The following KAZN variants were observed in gnomAD, a reference collection of about 807,000 sequenced individuals.
KAZN encodes kazrin.
Under a neutral mutation model 87.4 loss-of-function variants are expected in KAZN, and 40 were observed. The ratio of observed to expected loss-of-function variants is 0.46; its 90% CI spans 0.36 to 0.60. The LOEUF is 0.60. Among genes scored for constraint, KAZN ranks in the 20% least tolerant of loss-of-function variants. The pLI is 0.00. For synonymous variants in KAZN, 466 were observed against 458.3 expected, an observed-to-expected ratio of 1.02 and a Z score of -0.22; for missense variants, 898 against 1,073.9, an observed-to-expected ratio of 0.84 and a Z score of 2.29.
chr1:14,987,357 G>A (rs111601665), intron 2 of KAZN, among the ~76,000 whole-genome samples: 2,661 of 152,206 alleles, frequency 0.017, 41 homozygotes, highest in Non-Finnish European at 0.026. Context: ...AGCCGAGCAT[G>A]GTGGCGAGCA....
In KAZN at chr1:14,365,363, CGGGGTGGGG is replaced by C. The variant is rs1291039186; in HGVS notation, c.249+184776_249+184784del. On this transcript the variant is annotated intron_variant, in intron 2 of 16. Transcript: ENST00000636203. ...CGCCCCGGCGCCCACCCCCTCCCCC[CGGGGTGGGG>C]GGGGGGGGGGTCTTTCAAGGTCACC... Among the ~76,000 whole-genome samples the C allele has an allele frequency of 2.0e-3, 185 of 90,284 alleles. 3 individuals carry two copies. Among genetic ancestry groups the C allele is most frequent in the Middle Eastern group, 6.0e-3 (1 of 166 alleles). The allele number at this position is 90,284 out of a possible 152,430, so 59.2% of individuals were successfully genotyped here. A position where few individuals can be genotyped will look rare whatever the true frequency, so the allele number is the denominator to read the frequency against.
At chr1:14,203,729 C>T (rs1332804061) in intron 2 of KAZN, among the ~76,000 whole-genome samples, 1 of 152,176 alleles carries the variant, frequency 6.6e-6, no homozygotes. Context: ...TTTTAGAAAC[C>T]ATCATTTCAT....
intron 1 of KAZN, among the ~76,000 whole-genome samples, chr1:14,095,568 T>C (rs1412480750): frequency 1.3e-5 from 2 of 152,108 alleles, no homozygotes; most frequent in African/African-American, 4.8e-5. Flanking sequence ...AGGCTTAAGG[T>C]TGACTCAAAT....
At chr1:14,570,025 A>C (rs1271014756) in intron 2 of KAZN, among the ~76,000 whole-genome samples, 28 of 152,146 alleles carry the variant, frequency 1.8e-4, no homozygotes, top group Admixed American at 1.7e-3. Context: ...CGGCAGGAGA[A>C]TTGCTTGAAC....
chr1:14,132,590 C>T (rs142813622), intron 1 of KAZN, among the ~76,000 whole-genome samples: 100 of 152,236 alleles, frequency 6.6e-4, no homozygotes, highest in Middle Eastern at 3.4e-3. Flanking sequence ...AATCAGGGTG[C>T]CATTACCAGA....
At chr1:14,570,689 A>G (rs1056133414) in intron 2 of KAZN, among the ~76,000 whole-genome samples, 1 of 152,222 alleles carries the variant, frequency 6.6e-6, no homozygotes, top group African/African-American at 2.4e-5. Context: ...GCTGCAGTGA[A>G]TATTCATCGA....
chr1:14,025,396 A>C (rs2101287696), intron 1 of KAZN, among the ~76,000 whole-genome samples: 1 of 152,320 alleles, frequency 6.6e-6, no homozygotes, highest in African/African-American at 2.4e-5. Flanking sequence ...AAAATACAGT[A>C]GTTAGACCAG....
chr1:14,335,760 CAGAGAGAG>C lies in KAZN; in HGVS notation c.249+155183_249+155190del, dbSNP rs34561318. Among the ~76,000 whole-genome samples the C allele has an allele frequency of 5.8e-3, 873 of 149,368 alleles. 8 individuals carry two copies. The highest frequency in any genetic ancestry group is 0.02 in the African/African-American group (814 of 40,824). On this transcript the variant is annotated intron_variant, in intron 2 of 16. Coordinates refer to the KAZN transcript ENST00000636203. ...GTGCATGTGCGCGCACACACACACACAGAGAGAGAGAGAGAGAGAGAGGCAGAAATTCA... is the reference window on the plus strand; with the variant it reads ...GTGCATGTGCGCGCACACACACACACAGAGAGAGAGAGAGGCAGAAATTCA...
chr1:14,569,638 T>G (rs1257217866), intron 2 of KAZN, among the ~76,000 whole-genome samples: 1 of 152,026 alleles, frequency 6.6e-6, no homozygotes, highest in Non-Finnish European at 1.5e-5. Flanking sequence ...TCTACTTTTT[T>G]AATGGAAATA....
At chr1:14,562,923 G>C (rs1230936630) in intron 2 of KAZN, among the ~76,000 whole-genome samples, 1 of 152,218 alleles carries the variant, frequency 6.6e-6, no homozygotes, top group Non-Finnish European at 1.5e-5. Flanking sequence ...AGTGCGTTTA[G>C]TTAAGACAAC....
At chr1:14,420,400 C>G (rs961838566) in intron 2 of KAZN, among the ~76,000 whole-genome samples, 2 of 152,198 alleles carry the variant, frequency 1.3e-5, no homozygotes, top group Non-Finnish European at 2.9e-5. Context: ...AGTACCCACC[C>G]GACTCAGGGG....
intron 2 of KAZN, among the ~76,000 whole-genome samples, chr1:14,487,083 T>G (rs531063023): frequency 2.3e-4 from 35 of 152,328 alleles, no homozygotes; most frequent in African/African-American, 7.9e-4. Context: ...GTGAGTTCTT[T>G]CCTGGCACGT....
intron 2 of KAZN, among the ~76,000 whole-genome samples, chr1:15,017,492 G>C (rs1235332738): frequency 6.6e-6 from 1 of 151,974 alleles, no homozygotes; most frequent in Non-Finnish European, 1.5e-5. Flanking sequence ...TCTTAGTTTT[G>C]TACGACTGAA....
chr1:14,754,110 C>A (rs1644488578), intron 1 of KAZN, among the ~76,000 whole-genome samples: 1 of 152,188 alleles, frequency 6.6e-6, no homozygotes, highest in Non-Finnish European at 1.5e-5. Flanking sequence ...TGGGCTCCAG[C>A]CACGGGGAAG....
At chr1:14,434,071 G>A (rs542437230) in intron 2 of KAZN, among the ~76,000 whole-genome samples, 8 of 152,276 alleles carry the variant, frequency 5.3e-5, no homozygotes, top group East Asian at 1.9e-4. Flanking sequence ...TTAAGCCACC[G>A]GTGCATGGTA....
intron 1 of KAZN, among the ~76,000 whole-genome samples, chr1:14,698,160 A>G (rs2143298): frequency 3.6e-3 from 543 of 152,282 alleles, no homozygotes; most frequent in African/African-American, 0.012. Flanking sequence ...CCATCTGCAA[A>G]ATTAGTGACT....
At chr1:13,899,040 G>C (rs1357967553) in intron 1 of KAZN, among the ~76,000 whole-genome samples, 4 of 152,238 alleles carry the variant, frequency 2.6e-5, no homozygotes, top group African/African-American at 7.2e-5. Context: ...TCCGTCCATG[G>C]GAATGGGAGC....
intron 2 of KAZN, among the ~76,000 whole-genome samples, chr1:14,581,351 T>C (rs1675534293): frequency 6.6e-6 from 1 of 152,194 alleles, no homozygotes; most frequent in African/African-American, 2.4e-5. Context: ...ATTTAGCCTG[T>C]CAGCAAAACC....
At chr1:14,908,796 C>T (rs1161564483) in intron 1 of KAZN, among the ~76,000 whole-genome samples, 4 of 152,018 alleles carry the variant, frequency 2.6e-5, no homozygotes, top group East Asian at 3.9e-4. Flanking sequence ...AGGTAGGTCA[C>T]GTGAGGTCAG....
Sources: allele counts gnomAD v4.1 joint callset (sites outside exome capture counted in the v4.1 genomes callset), GRCh38; gene constraint gnomAD v4.1.1; transcripts MANE v1.5; gene names NCBI Gene and HGNC (gene_info 2026-07-23, HGNC 2026-07-21).